FIGN: variants seen among roughly 807,000 people sequenced by gnomAD.
FIGN encodes fidgetin, microtubule severing factor.
In FIGN, 11 loss-of-function variants were observed where a neutral mutation model predicts 51.3. The ratio of observed to expected loss-of-function variants is 0.21; its 90% confidence interval spans 0.13 to 0.35. The LOEUF (loss-of-function observed/expected upper bound fraction) is 0.35, where lower values mean the gene tolerates loss of function less well. FIGN is among the 10% of genes least tolerant of loss of function. The pLI, the probability that FIGN is intolerant of heterozygous loss-of-function variation, is 1.00. For missense variants in FIGN, 857 were observed against 943.6 expected (o/e 0.91, Z 1.20); for synonymous variants, 407 against 363.2 (o/e 1.12, Z -1.37).
chr2:163,706,053 C>T (rs1684494411), intron 2 of FIGN, among the ~76,000 whole-genome samples: 1 of 152,124 alleles, frequency 6.6e-6, no homozygotes, highest in Non-Finnish European at 1.5e-5. Flanking sequence ...GCATCCTGAA[C>T]TACATTTTCA....
Position 163,610,641 on chromosome 2 carries a change from C to G in FIGN, c.1191G>C (p.Arg397Ser). 3 of 1,614,136 alleles carry G rather than the reference C, an allele frequency of 1.9e-6. No homozygotes were observed. Among genetic ancestry groups the G allele is most frequent in the Non-Finnish European group, 2.5e-6 (3 of 1,180,028 alleles). ...TACTGTAGGAAGGAGGGGTCAGAGC[C>G]CTACTGGACTGGCTGCTGAATTTCC... ...QQRKFSSQSS[R>S]ALTPPSYSTA... Residue 397 changes from arginine to serine, a missense_variant, in exon 3 of 3, where the codon AGG becomes AGC. Around this residue, in one of 3 missense-constraint regions of FIGN, gnomAD observed 799 missense variants for 849.5 expected, o/e 0.94. Coordinates refer to ENST00000333129, the MANE Select transcript of FIGN (RefSeq NM_018086.4).
chr2:163,662,987 A>G (rs952965270), intron 2 of FIGN, among the ~76,000 whole-genome samples: 9 of 152,202 alleles, frequency 5.9e-5, no homozygotes, highest in African/African-American at 2.2e-4. Flanking sequence ...TGTAAGTCCA[A>G]TTAAACCTCT....
intron 2 of FIGN, among the ~76,000 whole-genome samples, chr2:163,625,252 A>C (rs554576446): frequency 6.6e-6 from 1 of 152,152 alleles, no homozygotes; most frequent in East Asian, 1.9e-4. Context: ...AGATATAAAT[A>C]TATTCTTATC....
At chr2:163,729,098 G>A (rs1684887092) in intron 2 of FIGN, among the ~76,000 whole-genome samples, 1 of 152,054 alleles carries the variant, frequency 6.6e-6, no homozygotes, top group Non-Finnish European at 1.5e-5. Context: ...TCTCAGATGA[G>A]TTTACTCTCA....
At chr2:163,674,946 A>T (rs944590697) in intron 2 of FIGN, among the ~76,000 whole-genome samples, 3 of 152,184 alleles carry the variant, frequency 2.0e-5, no homozygotes, top group African/African-American at 7.2e-5. Flanking sequence ...CTTTGATTAG[A>T]ATCTACTAGC....
At chr2:163,715,210 A>G (rs754399383) in intron 2 of FIGN, among the ~76,000 whole-genome samples, 3 of 152,200 alleles carry the variant, frequency 2.0e-5, no homozygotes, top group Non-Finnish European at 4.4e-5. Context: ...CAGTTATGGG[A>G]AAAATGTACA....
chr2:163,696,923 G>T (rs1684329253), intron 2 of FIGN, among the ~76,000 whole-genome samples: 1 of 150,330 alleles, frequency 6.7e-6, no homozygotes, highest in Admixed American at 6.7e-5. Flanking sequence ...CCCACACCTT[G>T]GTTCCCTAAA....
chr2:163,636,516 C>T (rs944765464), intron 2 of FIGN, among the ~76,000 whole-genome samples: 3 of 152,068 alleles, frequency 2.0e-5, no homozygotes, highest in Non-Finnish European at 4.4e-5. Flanking sequence ...AACTCCCAAC[C>T]TCAGGTGATC....
intron 2 of FIGN, among the ~76,000 whole-genome samples, chr2:163,631,022 T>C (rs766558560): frequency 6.6e-6 from 1 of 152,324 alleles, no homozygotes; most frequent in Non-Finnish European, 1.5e-5. Context: ...CTTTGGGTCT[T>C]ACTTTTTTCC....
At chr2:163,651,724 T>C (rs7603820) in intron 2 of FIGN, among the ~76,000 whole-genome samples, 151,683 of 152,314 alleles carry the variant, frequency 1, 75,528 homozygotes, top group Non-Finnish European at 1. Context: ...ACAATATTGG[T>C]AGGGCCTCTA....
intron 2 of FIGN, among the ~76,000 whole-genome samples, chr2:163,697,400 C>A (rs934476080): frequency 6.6e-6 from 1 of 152,064 alleles, no homozygotes; most frequent in Non-Finnish European, 1.5e-5. Flanking sequence ...CACACCCAGC[C>A]TCTGTGTCAT....
intron 2 of FIGN, among the ~76,000 whole-genome samples, chr2:163,650,222 T>C (rs1389069408): frequency 6.6e-6 from 1 of 152,070 alleles, no homozygotes; most frequent in African/African-American, 2.4e-5. Context: ...GATATTGTAA[T>C]GTGCTATAAT....
chr2:163,667,660 T>C (rs1472711502), intron 2 of FIGN, among the ~76,000 whole-genome samples: 1 of 152,220 alleles, frequency 6.6e-6, no homozygotes, highest in Non-Finnish European at 1.5e-5. Context: ...ATTCGTCTTT[T>C]AAAACCCAAA....
chr2:163,683,127 T>A (rs1168465144), intron 2 of FIGN, among the ~76,000 whole-genome samples: 5 of 152,170 alleles, frequency 3.3e-5, no homozygotes. Flanking sequence ...TTGTTGAACA[T>A]CTTTCTCCCT....
In FIGN at chr2:163,609,539, TC is replaced by T. The variant is rs1574222170; in HGVS notation, c.*12del. On this transcript the variant is annotated 3_prime_UTR_variant, in exon 3 of 3. Transcript: ENST00000333129. ...GCCAACATTCATTACATTTTTTTTT[TC>T]TAAAGAAGTTATCACTGACTGCAAC... The T allele has an allele frequency of 1.4e-5, 22 of 1,551,948 alleles. No individual in the cohort carries two copies. The highest frequency in any genetic ancestry group is 1.2e-4 in the Admixed American group (6 of 51,918).
chr2:163,679,320 C>T (rs919990223), intron 2 of FIGN, among the ~76,000 whole-genome samples: 26 of 151,958 alleles, frequency 1.7e-4, no homozygotes, highest in African/African-American at 6.3e-4. Flanking sequence ...GGTGAAACCC[C>T]GTCTCTGCTA....
intron 2 of FIGN, among the ~76,000 whole-genome samples, chr2:163,633,871 A>G (rs1683186123): frequency 6.6e-6 from 1 of 152,200 alleles, no homozygotes; most frequent in South Asian, 2.1e-4. Context: ...CTGAACATGT[A>G]CAAAGTGAAC....
intron 2 of FIGN, among the ~76,000 whole-genome samples, chr2:163,734,289 C>G (rs185059034): frequency 1.7e-3 from 261 of 151,666 alleles, no homozygotes; most frequent in Non-Finnish European, 2.8e-3. Context: ...GGACTTTGGA[C>G]AATCAAAATA....
chr2:163,680,149 A>G (rs181002643), intron 2 of FIGN, among the ~76,000 whole-genome samples: 130 of 152,352 alleles, frequency 8.5e-4, no homozygotes, highest in African/African-American at 3.0e-3. Flanking sequence ...GATCTTTTAG[A>G]TACAACAGGG....
Sources: gnomAD v4.1 joint callset for allele counts (sites outside exome capture counted in the v4.1 genomes callset) on GRCh38, gnomAD v4.1.1 for gene constraint, gnomAD v4.1.1 regional missense constraint, MANE v1.5 for transcripts, NCBI Gene and HGNC (gene_info 2026-07-23, HGNC 2026-07-21) for gene names.